Variants in SAMD5 observed in about 807,000 individuals in gnomAD.
The protein encoded by SAMD5 is sterile alpha motif domain containing 5.
A neutral mutation model predicts 11.3 loss-of-function variants in SAMD5; 13 were observed. The ratio of observed to expected loss-of-function variants is 1.15; its 90% CI spans 0.75 to 1.83. The LOEUF is 1.83. Ranked by LOEUF, SAMD5 falls within the 40% of genes most tolerant of loss-of-function variation. SAMD5 has a pLI of 0.00. For missense variants in SAMD5, 255 were observed against 239.1 expected, an observed-to-expected ratio of 1.07 and a Z score of -0.44; for synonymous variants, 129 against 111.3, an observed-to-expected ratio of 1.16 and a Z score of -1.00.
the SAMD5 span, among the ~76,000 whole-genome samples, chr6:147,776,412 A>G: frequency 0.05 from 7,584 of 152,282 alleles, 242 homozygotes; most frequent in African/African-American, 0.072. Context: ...CCAAGAAAAA[A>G]TAGCAGAATT....
the SAMD5 span, among the ~76,000 whole-genome samples, chr6:147,889,908 C>G: frequency 6.6e-6 from 1 of 152,166 alleles, no homozygotes; most frequent in Non-Finnish European, 1.5e-5. Flanking sequence ...CAGCTCCTTC[C>G]TCTCTGATAT....
chr6:147,721,899 A>C, intron 1 of SAMD5, among the ~76,000 whole-genome samples: 1 of 152,340 alleles, frequency 6.6e-6, no homozygotes, highest in Non-Finnish European at 1.5e-5. Flanking sequence ...TTTATATCCC[A>C]TTAAAAAACA....
At chr6:147,799,982 CA>C in the SAMD5 span, among the ~76,000 whole-genome samples, 1 of 151,936 alleles carries the variant, frequency 6.6e-6, no homozygotes, top group Admixed American at 6.5e-5. Context: ...AAATTTTTGT[CA>C]AAGTTTTCAA....
At chr6:147,881,482 C>CA in the SAMD5 span, among the ~76,000 whole-genome samples, 16 of 152,156 alleles carry the variant, frequency 1.1e-4, no homozygotes, top group African/African-American at 3.1e-4. Context: ...ATTGGAGCAT[C>CA]AAAAGTCCAA....
the SAMD5 span, among the ~76,000 whole-genome samples, chr6:147,940,933 G>A: frequency 5.3e-5 from 8 of 152,216 alleles, no homozygotes; most frequent in African/African-American, 1.7e-4. Context: ...TTGCACTTTA[G>A]CCTGTGCAAC....
intron 1 of SAMD5, among the ~76,000 whole-genome samples, chr6:147,736,245 G>T (rs1188395023): frequency 3.9e-5 from 6 of 152,108 alleles, no homozygotes; most frequent in African/African-American, 1.4e-4. Context: ...GATAATGTAA[G>T]GTACAAAGAA....
At chr6:147,520,450 G>C (rs954477815) in intron 1 of SAMD5, among the ~76,000 whole-genome samples, 22 of 152,268 alleles carry the variant, frequency 1.4e-4, no homozygotes, top group African/African-American at 4.8e-4. Flanking sequence ...TACTGACAGT[G>C]AGTAAACCAT....
the SAMD5 span, among the ~76,000 whole-genome samples, chr6:147,950,501 G>A: frequency 6.6e-6 from 1 of 152,146 alleles, no homozygotes; most frequent in South Asian, 2.1e-4. Flanking sequence ...ACGTCCTCCT[G>A]AGGTCTAGCT....
chr6:147,710,047 C>T (rs1429512980), intron 1 of SAMD5, among the ~76,000 whole-genome samples: 1 of 152,218 alleles, frequency 6.6e-6, no homozygotes, highest in Non-Finnish European at 1.5e-5. Flanking sequence ...CCTGCAACTA[C>T]CTTTTTGTGC....
the SAMD5 span, among the ~76,000 whole-genome samples, chr6:147,867,279 G>GTTTTT: frequency 6.1e-5 from 7 of 115,386 alleles, no homozygotes; most frequent in East Asian, 2.4e-4. Context: ...GGTCAAAAAG[G>GTTTTT]TTTTTTTTTT....
At chr6:147,730,146 G>T (rs1488619376) in intron 1 of SAMD5, 2 of 422,134 alleles carry the variant, frequency 4.7e-6, no homozygotes. Context: ...TGAAAGAGAG[G>T]GAGAGAAAGA....
intron 1 of SAMD5, among the ~76,000 whole-genome samples, chr6:147,626,343 A>G (rs1181185873): frequency 1.3e-5 from 2 of 151,822 alleles, no homozygotes; most frequent in Non-Finnish European, 2.9e-5. Context: ...TTACTGCTAG[A>G]GGCACCGTTA....
the SAMD5 span, among the ~76,000 whole-genome samples, chr6:147,799,508 C>T: frequency 6.6e-6 from 1 of 151,340 alleles, no homozygotes; most frequent in Admixed American, 6.6e-5. Flanking sequence ...AACATTTTTT[C>T]CTTCATTTCA....
intron 1 of SAMD5, among the ~76,000 whole-genome samples, chr6:147,595,784 C>A (rs1231585256): frequency 1.3e-5 from 2 of 152,050 alleles, no homozygotes; most frequent in Admixed American, 1.3e-4. Flanking sequence ...CTCTGCCTCC[C>A]AAAGTGCTGG....
At chr6:147,675,700 T>C (rs1356439293) in intron 1 of SAMD5, among the ~76,000 whole-genome samples, 1 of 152,196 alleles carries the variant, frequency 6.6e-6, no homozygotes, top group Non-Finnish European at 1.5e-5. Flanking sequence ...TGGCCATTGA[T>C]TGGTCCAGTA....
At chr6:147,832,811 A>G in the SAMD5 span, among the ~76,000 whole-genome samples, 2 of 152,136 alleles carry the variant, frequency 1.3e-5, no homozygotes, top group Non-Finnish European at 2.9e-5. Context: ...CACTTAACCC[A>G]ACGCTCCCAA....
In SAMD5 at chr6:147,543,898, G is replaced by A. The variant is rs1017390405; in HGVS notation, c.460-20496G>A. 4.6e-5 allele frequency among the ~76,000 whole-genome samples: 7 copies of A among 152,240 alleles called. No individual in the cohort carries two copies. In the East Asian group the frequency reaches 5.8e-4, roughly 13 times the overall value. ...TGTAAAAGACAAGCAGACGTGTAGC[G>A]TGGGAAAGGAACGTTTAAGGGAGAG... On this transcript the variant is annotated intron_variant, in intron 1 of 1. Coordinates refer to ENST00000367474, the MANE Select transcript of SAMD5 (RefSeq NM_001030060.3).
At chr6:147,930,616 G>A in the SAMD5 span, among the ~76,000 whole-genome samples, 1 of 152,120 alleles carries the variant, frequency 6.6e-6, no homozygotes, top group Non-Finnish European at 1.5e-5. Context: ...CCTAGGGCAG[G>A]CAGTGGCATG....
chr6:147,556,821 TA>T (rs1256921662), intron 1 of SAMD5, among the ~76,000 whole-genome samples: 3 of 152,332 alleles, frequency 2.0e-5, no homozygotes, highest in South Asian at 4.1e-4. Flanking sequence ...TTATCAGAAA[TA>T]AATTATATCT....
Sources: allele counts gnomAD v4.1 joint callset (sites outside exome capture counted in the v4.1 genomes callset), GRCh38; gene constraint gnomAD v4.1.1; transcripts MANE v1.5; gene names NCBI Gene and HGNC (gene_info 2026-07-23, HGNC 2026-07-21).